TANC2: variants seen among roughly 807,000 people sequenced by gnomAD.
The protein encoded by TANC2 is tetratricopeptide repeat, ankyrin repeat and coiled-coil containing 2.
A neutral mutation model predicts 210.5 loss-of-function variants in TANC2; 26 were observed. The observed-to-expected ratio is 0.12, with a 90% CI of 0.09 to 0.17. TANC2 has a LOEUF of 0.17. TANC2 is among the 10% of genes least tolerant of loss of function. The pLI is 1.00. For synonymous variants in TANC2, 931 were observed against 967.1 expected (o/e 0.96, Z 0.69); for missense variants, 2,129 against 2,608.9 (o/e 0.82, Z 4.01).
chr17:63,160,735 C>G (rs375533589), intron 5 of TANC2, among the ~76,000 whole-genome samples: 1 of 152,088 alleles, frequency 6.6e-6, no homozygotes, highest in African/African-American at 2.4e-5. Context: ...CTAGATTTCC[C>G]TCTGGTACAT....
chr17:63,356,245 G>A (rs762355024), intron 14 of TANC2, among the ~76,000 whole-genome samples: 9 of 152,088 alleles, frequency 5.9e-5, no homozygotes, highest in African/African-American at 1.4e-4. Context: ...CATCCTGGTC[G>A]GGGTGTGCTT....
chr17:62,995,421 A>G lies in TANC2; in HGVS notation c.-23-14116A>G, dbSNP rs561879888. Among the ~76,000 whole-genome samples the G allele has an allele frequency of 5.3e-5, 8 of 152,360 alleles. No homozygotes were observed. The South Asian group carries it at 1.7e-3, about 32-fold the overall frequency. On this transcript the variant is annotated intron_variant, in intron 1 of 27. Coordinates refer to ENST00000689528, the Ensembl canonical transcript of TANC2. Reference sequence around the variant, plus strand: ...AAAATACTTGACTTAGTTGAAATTCAGAAGTTAGGCAATTTAGTCTAATGG... The same window carrying G: ...AAAATACTTGACTTAGTTGAAATTCGGAAGTTAGGCAATTTAGTCTAATGG...
chr17:62,983,087 G>C (rs572306470), intron 1 of TANC2, among the ~76,000 whole-genome samples: 1 of 152,054 alleles, frequency 6.6e-6, no homozygotes, highest in Non-Finnish European at 1.5e-5. Context: ...ATTAGCATAA[G>C]ACATTTTTCC....
At chr17:63,389,374 C>T (rs770927486) in exon 17 of TANC2, 2 of 1,613,940 alleles carry the variant, frequency 1.2e-6, no homozygotes, top group Non-Finnish European at 1.7e-6. Flanking sequence ...AAATAATGCT[C>T]CAATTCTATG....
chr17:63,256,864 ACTTT>A lies in TANC2; in HGVS notation c.1034-10879_1034-10876del, dbSNP rs546357941. ...TTGAGCCCTTTATCATTATGTAGTG[ACTTT>A]CTTTGTCTCTTTTTATAATTTTTGT... On this transcript the variant is annotated intron_variant, in intron 8 of 27. Coordinates refer to ENST00000689528, the Ensembl canonical transcript of TANC2. Among the ~76,000 whole-genome samples the A allele has an allele frequency of 2.6e-5, 4 of 152,040 alleles. No individual in the cohort carries two copies. The East Asian group carries it at 5.8e-4, about 22-fold the overall frequency.
chr17:63,025,663 G>A (rs976552934), intron 2 of TANC2, among the ~76,000 whole-genome samples: 1 of 151,922 alleles, frequency 6.6e-6, no homozygotes, highest in South Asian at 2.1e-4. Flanking sequence ...GAGTGTGGTG[G>A]CACACATCTG....
At chr17:63,303,401 T>C (rs1005050454) in intron 9 of TANC2, among the ~76,000 whole-genome samples, 1 of 152,212 alleles carries the variant, frequency 6.6e-6, no homozygotes, top group Non-Finnish European at 1.5e-5. Flanking sequence ...TGAAAATTCT[T>C]TAAGAATGTT....
chr17:63,077,755 C>T (rs2036622481), intron 3 of TANC2, among the ~76,000 whole-genome samples: 1 of 152,118 alleles, frequency 6.6e-6, no homozygotes, highest in Non-Finnish European at 1.5e-5. Context: ...AGCCAGTCAC[C>T]TCCAGTAGAA....
At chr17:63,221,462 A>G (rs997837464) in intron 7 of TANC2, among the ~76,000 whole-genome samples, 2 of 148,024 alleles carry the variant, frequency 1.4e-5, no homozygotes, top group Admixed American at 6.7e-5. Context: ...AAAAAAAAAG[A>G]AAGAAAATGA....
intron 1 of TANC2, among the ~76,000 whole-genome samples, chr17:62,995,654 A>T (rs529957744): frequency 6.6e-6 from 1 of 152,370 alleles, no homozygotes; most frequent in Non-Finnish European, 1.5e-5. Flanking sequence ...TACAAGGCTG[A>T]CTGTGGAACC....
rs77122065 is a variant in TANC2, at chr17:63,137,738, A to G, written c.323-13532A>G. ...AACCAGCTATCATATGCCAGATACT[A>G]TTCTAGGCATTGTAATATAAAGCAT... On this transcript the variant is annotated intron_variant, in intron 4 of 27. Coordinates refer to ENST00000689528, the Ensembl canonical transcript of TANC2. 9.3e-4 allele frequency among the ~76,000 whole-genome samples: 141 copies of G among 152,310 alleles called. 2 individuals carry two copies. The East Asian group carries it at 0.025, about 27-fold the overall frequency.
At chr17:63,281,451 T>A (rs1398604825) in intron 9 of TANC2, among the ~76,000 whole-genome samples, 1 of 152,082 alleles carries the variant, frequency 6.6e-6, no homozygotes, top group Non-Finnish European at 1.5e-5. Flanking sequence ...GAAATCCTAA[T>A]AAGCTCTGCA....
At chr17:63,070,626 G>A (rs1293792639) in intron 2 of TANC2, among the ~76,000 whole-genome samples, 1 of 152,034 alleles carries the variant, frequency 6.6e-6, no homozygotes, top group African/African-American at 2.4e-5. Flanking sequence ...CCTAGTTTTT[G>A]TAGGGCCCAT....
chr17:63,273,116 A>G (rs1399249946), intron 9 of TANC2, among the ~76,000 whole-genome samples: 1 of 152,076 alleles, frequency 6.6e-6, no homozygotes, highest in African/African-American at 2.4e-5. Flanking sequence ...AGCCTAGGCA[A>G]CAACCCTGTC....
intron 2 of TANC2, among the ~76,000 whole-genome samples, chr17:63,015,312 GAT>G (rs1491562810): frequency 6.6e-6 from 1 of 151,664 alleles, no homozygotes; most frequent in Admixed American, 6.6e-5. Context: ...ATTAAAATAA[GAT>G]ATTTATTTAT....
At chr17:63,019,649 G>A (rs191659601) in intron 2 of TANC2, among the ~76,000 whole-genome samples, 2 of 152,326 alleles carry the variant, frequency 1.3e-5, no homozygotes, top group Non-Finnish European at 2.9e-5. Context: ...TAGTGGTGAA[G>A]TCAGGGCTTT....
At chr17:63,046,972 G>A (rs989695660) in intron 2 of TANC2, among the ~76,000 whole-genome samples, 2 of 152,126 alleles carry the variant, frequency 1.3e-5, no homozygotes, top group Non-Finnish European at 2.9e-5. Flanking sequence ...TGGAGAGGGG[G>A]AGATCTGATT....
chr17:63,418,542 G>A lies in TANC2; in HGVS notation c.4268+135G>A. The A allele has an allele frequency of 2.6e-6, 2 of 754,792 alleles. No individual in the cohort carries two copies. The highest frequency in any genetic ancestry group is 4.3e-6 in the Non-Finnish European group (2 of 470,096). 46.8% of individuals were successfully genotyped at this position (754,792 alleles called of 1,614,324 possible). A position where few individuals can be genotyped will look rare whatever the true frequency, so the allele number is the denominator to read the frequency against. ...AGAACTGTCAGGGCCAAGCTTTGGG[G>A]ATGGCTCCCATAGCACAGCCCTCAG... is the stretch of plus-strand genomic sequence containing the variant. On this transcript the variant is annotated intron_variant, in intron 27 of 27. Coordinates refer to ENST00000689528, the Ensembl canonical transcript of TANC2. The surrounding 1 kb of genome is among the most constrained non-coding windows in gnomAD (Gnocchi z 4.6).
chr17:63,378,140 C>T (rs981720486), intron 14 of TANC2, among the ~76,000 whole-genome samples: 1 of 151,884 alleles, frequency 6.6e-6, no homozygotes, highest in Non-Finnish European at 1.5e-5. Flanking sequence ...TTCTTAGAGG[C>T]CATAACAAAT....
Sources: gnomAD v4.1 joint callset for allele counts (sites outside exome capture counted in the v4.1 genomes callset) on GRCh38, gnomAD v4.1.1 for gene constraint, Gnocchi (gnomAD v3.1) non-coding constraint, MANE v1.5 for transcripts, NCBI Gene and HGNC (gene_info 2026-07-23, HGNC 2026-07-21) for gene names.